Variants in ASIC2 observed in about 807,000 individuals in gnomAD.
ASIC2 encodes the protein acid-sensing ion channel 2.
A neutral mutation model predicts 57.3 loss-of-function variants in ASIC2; 25 were observed. That is an observed-to-expected ratio of 0.44 (90% CI 0.32 to 0.61). ASIC2 has a LOEUF of 0.61. Ranked by LOEUF, ASIC2 falls within the 20% of genes least tolerant of loss-of-function variation. The pLI is 0.06. For synonymous variants in ASIC2, 319 were observed against 307.5 expected (o/e 1.04, Z -0.39); for missense variants, 641 against 738.1 (o/e 0.87, Z 1.52).
intron 1 of ASIC2, among the ~76,000 whole-genome samples, chr17:33,611,766 G>A (rs1359046342): frequency 6.6e-6 from 1 of 152,222 alleles, no homozygotes; most frequent in Non-Finnish European, 1.5e-5. Flanking sequence ...CATTGCCCTA[G>A]GAGAGTCACA....
intron 1 of ASIC2, among the ~76,000 whole-genome samples, chr17:33,895,984 G>A (rs1173606841): frequency 1.3e-5 from 2 of 151,496 alleles, no homozygotes; most frequent in African/African-American, 4.9e-5. Flanking sequence ...CCCTGTCAGG[G>A]TAATTATGAC....
chr17:33,794,435 G>A (rs2142139145), intron 1 of ASIC2: 1 of 152,450 alleles, frequency 6.6e-6, no homozygotes, highest in Non-Finnish European at 1.5e-5. Context: ...GCTGCAGAGA[G>A]GGCCTGGGAA....
chr17:33,869,032 TC>T (rs2141929981), intron 1 of ASIC2, among the ~76,000 whole-genome samples: 1 of 152,220 alleles, frequency 6.6e-6, no homozygotes, highest in South Asian at 2.1e-4. Flanking sequence ...AGCACTGCAT[TC>T]CACCCTGGGC....
chr17:33,831,816 C>T (rs1913122556), intron 1 of ASIC2, among the ~76,000 whole-genome samples: 1 of 152,074 alleles, frequency 6.6e-6, no homozygotes, highest in Non-Finnish European at 1.5e-5. Flanking sequence ...AGCAAAAAGG[C>T]CCAGAAACAA....
rs1253981572 is a variant in ASIC2, at chr17:33,123,622, C to T, written c.709-11555G>A. 3.9e-5 allele frequency among the ~76,000 whole-genome samples: 6 copies of T among 152,262 alleles called. No individual in the cohort carries two copies. In the East Asian group the frequency reaches 5.8e-4, roughly 15 times the overall value. ...GGCTGTGCCCAGATCCCTTCTGGAA[C>T]GTTTCTTGGGCATTCTTGCAAAACT... On this transcript the variant is annotated intron_variant, in intron 1 of 9. Coordinates refer to ENST00000225823, the MANE Select transcript of ASIC2 (RefSeq NM_183377.2).
chr17:34,149,863 T>C (rs1904443788), intron 1 of ASIC2, among the ~76,000 whole-genome samples: 1 of 152,148 alleles, frequency 6.6e-6, no homozygotes, highest in Admixed American at 6.6e-5. Flanking sequence ...AGAAGTACCA[T>C]ATGATCTAGC....
At chr17:33,077,890 G>C (rs1421916387) in intron 3 of ASIC2, among the ~76,000 whole-genome samples, 1 of 152,146 alleles carries the variant, frequency 6.6e-6, no homozygotes, top group East Asian at 1.9e-4. Flanking sequence ...TCTAAAAGAC[G>C]TGTTGGTGAT....
chr17:33,337,961 A>T (rs1488604368), intron 1 of ASIC2, among the ~76,000 whole-genome samples: 1 of 118,374 alleles, frequency 8.4e-6, no homozygotes, highest in African/African-American at 3.3e-5. Flanking sequence ...GGAAGGGCAA[A>T]GAGGATGCAG....
intron 1 of ASIC2, among the ~76,000 whole-genome samples, chr17:33,344,282 A>C (rs554875378): frequency 6.6e-6 from 1 of 152,324 alleles, no homozygotes. Context: ...CAGGGGGAGC[A>C]GATGCCTGTT....
chr17:33,155,200 G>A (rs974708898), intron 1 of ASIC2, among the ~76,000 whole-genome samples: 11 of 152,266 alleles, frequency 7.2e-5, no homozygotes, highest in Non-Finnish European at 1.0e-4. Context: ...CCTGGCATTG[G>A]CTGGGTGCTC....
intron 1 of ASIC2, among the ~76,000 whole-genome samples, chr17:33,375,847 C>T (rs1353977650): frequency 6.6e-6 from 1 of 151,734 alleles, no homozygotes; most frequent in African/African-American, 2.4e-5. Context: ...TGAAAGTGCT[C>T]AGGAAACCTG....
intron 1 of ASIC2, among the ~76,000 whole-genome samples, chr17:33,273,221 G>A (rs1555591072): frequency 6.6e-6 from 1 of 152,110 alleles, no homozygotes; most frequent in Non-Finnish European, 1.5e-5. Context: ...TAAAAGAGTA[G>A]AAAAAAATAG....
intron 1 of ASIC2, among the ~76,000 whole-genome samples, chr17:33,806,037 TCTCA>T (rs1381522390): frequency 5.3e-5 from 8 of 152,160 alleles, no homozygotes; most frequent in African/African-American, 1.9e-4. Flanking sequence ...GCACAGCCCT[TCTCA>T]CTCACTCATT....
chr17:33,124,896 C>A (rs2092317121), intron 1 of ASIC2, among the ~76,000 whole-genome samples: 1 of 152,194 alleles, frequency 6.6e-6, no homozygotes, highest in Non-Finnish European at 1.5e-5. Context: ...AGTGACAGAT[C>A]ATCAGGTATT....
intron 1 of ASIC2, among the ~76,000 whole-genome samples, chr17:33,727,814 A>G (rs971338304): frequency 6.6e-6 from 1 of 152,192 alleles, no homozygotes; most frequent in East Asian, 1.9e-4. Context: ...GGGCTAATTG[A>G]CAGGGGCTTT....
At chr17:33,765,159 G>T (rs894270898) in intron 1 of ASIC2, among the ~76,000 whole-genome samples, 1 of 152,038 alleles carries the variant, frequency 6.6e-6, no homozygotes, top group Admixed American at 6.5e-5. Flanking sequence ...AGGCTAGAGT[G>T]CAGTGGCGCT....
chr17:33,454,433 T>G (rs1322429373), intron 1 of ASIC2, among the ~76,000 whole-genome samples: 2 of 152,226 alleles, frequency 1.3e-5, no homozygotes, highest in Non-Finnish European at 2.9e-5. Flanking sequence ...ACATTTGAGA[T>G]GCACATAAAA....
intron 1 of ASIC2, among the ~76,000 whole-genome samples, chr17:33,629,383 A>C (rs1906090853): frequency 6.6e-6 from 1 of 152,206 alleles, no homozygotes; most frequent in Admixed American, 6.5e-5. Context: ...GAAGTTTTTA[A>C]TCAATTCCCA....
At chr17:33,856,209 T>C (rs1913923966) in intron 1 of ASIC2, among the ~76,000 whole-genome samples, 1 of 152,232 alleles carries the variant, frequency 6.6e-6, no homozygotes, top group Non-Finnish European at 1.5e-5. Flanking sequence ...TTAATTAATC[T>C]TTCTGTCTCT....
Sources: gnomAD v4.1 joint callset for allele counts (sites outside exome capture counted in the v4.1 genomes callset) on GRCh38, gnomAD v4.1.1 for gene constraint, MANE v1.5 for transcripts, NCBI Gene and HGNC (gene_info 2026-07-23, HGNC 2026-07-21) for gene names.